Variants in SMAD4 observed in about 807,000 individuals in gnomAD.
SMAD4 encodes SMAD family member 4, also known as MAD homolog 4.
A neutral mutation model predicts 63.2 loss-of-function variants in SMAD4; 7 were observed. The observed-to-expected ratio is 0.11, with a 90% CI of 0.06 to 0.21. The LOEUF (loss-of-function observed/expected upper bound fraction) is 0.21. Ranked by LOEUF, SMAD4 falls within the 10% of genes least tolerant of loss-of-function variation. SMAD4 has a pLI of 1.00. For missense variants in SMAD4, 312 were observed against 693.8 expected, an observed-to-expected ratio of 0.45 and a Z score of 6.18; for synonymous variants, 215 against 235.4, an observed-to-expected ratio of 0.91 and a Z score of 0.79.
chr18:51,071,516 C>G (rs1292795809), intron 10 of SMAD4, among the ~76,000 whole-genome samples: 1 of 152,076 alleles, frequency 6.6e-6, no homozygotes, highest in African/African-American at 2.4e-5. Context: ...TGTTTGAATT[C>G]TCTTTAAGTG....
intron 1 of SMAD4, among the ~76,000 whole-genome samples, chr18:51,030,946 G>T (rs1434546554): frequency 6.6e-6 from 1 of 152,178 alleles, no homozygotes; most frequent in African/African-American, 2.4e-5. Flanking sequence ...GGTCGCCCCG[G>T]CTGAGCGCGT....
In SMAD4 at chr18:51,066,963, AAATTT is replaced by A. The variant is rs1194954736; in HGVS notation, c.1140-48_1140-44del. The A allele has an allele frequency of 1.6e-5, 22 of 1,397,006 alleles. No homozygotes were observed. The East Asian group carries it at 3.8e-4, about 24-fold the overall frequency. 86.5% of individuals were successfully genotyped at this position (1,397,006 alleles called of 1,614,324 possible). ...TAAGCATGCTATACAATCTGAACTA[AAATTT>A]AATTTAAAATACTTATCAAGATAAA... is the stretch of plus-strand genomic sequence containing the variant. On this transcript the variant is annotated intron_variant, in intron 9 of 11. Transcript: ENST00000342988.
At chr18:51,068,435 C>G (rs898107851) in intron 10 of SMAD4, among the ~76,000 whole-genome samples, 3 of 152,088 alleles carry the variant, frequency 2.0e-5, no homozygotes, top group Non-Finnish European at 4.4e-5. Flanking sequence ...GTGTAACTCA[C>G]AAATCTATAC....
intron 5 of SMAD4, among the ~76,000 whole-genome samples, chr18:51,056,871 C>T (rs1909860427): frequency 6.6e-6 from 1 of 151,906 alleles, no homozygotes; most frequent in Non-Finnish European, 1.5e-5. Context: ...CTTTTAAATA[C>T]CTGTAAATTA....
At chr18:51,068,835 T>G (rs1910240362) in intron 10 of SMAD4, among the ~76,000 whole-genome samples, 5 of 152,076 alleles carry the variant, frequency 3.3e-5, no homozygotes, top group Admixed American at 3.3e-4. Flanking sequence ...ATGGGAGCAT[T>G]GCTTGAGCCC....
At chr18:51,071,646 G>C (rs1238519678) in intron 10 of SMAD4, among the ~76,000 whole-genome samples, 1 of 152,078 alleles carries the variant, frequency 6.6e-6, no homozygotes, top group Non-Finnish European at 1.5e-5. Flanking sequence ...TGACATACAA[G>C]TCACCCATTT....
intron 1 of SMAD4, chr18:51,045,167 A>G (rs1423876844): frequency 6.6e-6 from 1 of 152,252 alleles, no homozygotes; most frequent in African/African-American, 2.4e-5. Flanking sequence ...ATGTAGGGAT[A>G]GTGAAGGAAA....
At chr18:51,069,415 TTTG>T (rs1449635772) in intron 10 of SMAD4, among the ~76,000 whole-genome samples, 2 of 152,278 alleles carry the variant, frequency 1.3e-5, no homozygotes, top group African/African-American at 4.8e-5. Flanking sequence ...CGCCTGGCCT[TTTG>T]TTGTTATTTT....
intron 10 of SMAD4, among the ~76,000 whole-genome samples, chr18:51,069,977 A>G (rs1043476868): frequency 6.6e-6 from 1 of 152,180 alleles, no homozygotes; most frequent in African/African-American, 2.4e-5. Context: ...GATTGTTTCC[A>G]TATGAATTTC....
At position 51,047,027 on chromosome 18, in the gene SMAD4, A is replaced by C. The variant is rs1057520801; in HGVS notation, c.-20A>C. On this transcript the variant is annotated 5_prime_UTR_variant, in exon 2 of 12. Transcript: ENST00000342988. The stretch of plus-strand genomic sequence containing the variant: ...CAGAAATTGGAGACATATTTGATTT[A>C]AAAGGAAAAACTTGAACAAATGGAC... 1.2e-5 allele frequency: 19 copies of C among 1,611,020 alleles called. No homozygotes were observed. Among genetic ancestry groups the C allele is most frequent in the Non-Finnish European group, 1.6e-5 (19 of 1,177,532 alleles).
chr18:51,058,485 A>G (rs543382977), intron 7 of SMAD4, 29 bp downstream of exon 7: 4 of 1,095,050 alleles, frequency 3.7e-6, no homozygotes, highest in Admixed American at 2.2e-5. Context: ...TGTAAGGGCT[A>G]TTTTTTTTTT....
At chr18:51,044,862 C>T (rs1292141655) in intron 1 of SMAD4, 1 of 152,166 alleles carries the variant, frequency 6.6e-6, no homozygotes, top group East Asian at 1.9e-4. Context: ...ATTCAAATCT[C>T]TTGACTCCAA....
chr18:51,036,911 A>C (rs980676327), intron 1 of SMAD4, among the ~76,000 whole-genome samples: 1 of 152,218 alleles, frequency 6.6e-6, no homozygotes, highest in Non-Finnish European at 1.5e-5. Context: ...TAATCTCAGC[A>C]CTTTGGGAGG....
In SMAD4 at chr18:51,073,388, TAC is replaced by T. The variant is rs201632233; in HGVS notation, c.1309-3205_1309-3204del. On this transcript the variant is annotated intron_variant, in intron 10 of 11. Coordinates refer to ENST00000342988, the MANE Select transcript of SMAD4 (RefSeq NM_005359.6). ...ATATATATATATATATATATATATA[TAC>T]ACACACACACACACACACACACACA... is the stretch of plus-strand genomic sequence containing the variant. Among the ~76,000 whole-genome samples the T allele has an allele frequency of 4.4e-3, 285 of 64,058 alleles. 4 individuals carry two copies. Among genetic ancestry groups the T allele is most frequent in the South Asian group, 7.0e-3 (12 of 1,704 alleles). The allele number at this position is 64,058 out of a possible 152,430, so 42.0% of individuals were successfully genotyped here. A position where few individuals can be genotyped will look rare whatever the true frequency, so the allele number is the denominator to read the frequency against.
chr18:51,040,252 T>C (rs1382982086), intron 1 of SMAD4, among the ~76,000 whole-genome samples: 1 of 151,796 alleles, frequency 6.6e-6, no homozygotes, highest in African/African-American at 2.4e-5. Context: ...TGGTGAAACT[T>C]GTCTCTGCTA....
rs1568202861 is a variant in SMAD4, at chr18:51,046,910, T to A, written c.-127-10T>A. 2.8e-6 allele frequency: 2 copies of A among 706,634 alleles called. No individual in the cohort carries two copies. Among genetic ancestry groups the A allele is most frequent in the Non-Finnish European group, 4.7e-6 (2 of 425,172 alleles). The allele number at this position is 706,634 out of a possible 1,614,324, so 43.8% of individuals were successfully genotyped here. A position where few individuals can be genotyped will look rare whatever the true frequency, so the allele number is the denominator to read the frequency against. ...TTCTGATGTGTGTCTTTTTTTTTTTTCTTTTTTAGGTTATCCTGAATACAT... is the reference window on the plus strand; with the variant it reads ...TTCTGATGTGTGTCTTTTTTTTTTTACTTTTTTAGGTTATCCTGAATACAT... On this transcript the variant is annotated splice_polypyrimidine_tract_variant and intron_variant, in intron 1 of 11. Transcript: ENST00000342988.
At position 51,047,378 on chromosome 18, in the gene SMAD4, G is replaced by T. The variant is rs750663984; in HGVS notation, c.249+83G>T. ...ACGTTTCCTTTCAAGCTACTACAGGGTAATTTAATTTGTGCTCCATCTCTT... is the reference window on the plus strand; with the variant it reads ...ACGTTTCCTTTCAAGCTACTACAGGTTAATTTAATTTGTGCTCCATCTCTT... On this transcript the variant is annotated intron_variant, in intron 2 of 11. Transcript: ENST00000342988. The T allele has an allele frequency of 1.9e-4, 237 of 1,264,314 alleles. 1 individual carries two copies. In the Middle Eastern group the frequency reaches 3.9e-3, roughly 21 times the overall value. 78.3% of individuals were successfully genotyped at this position (1,264,314 alleles called of 1,614,324 possible).
intron 7 of SMAD4, 122 bp from the exon 8 acceptor site, chr18:51,059,744 A>G (rs1909954390): frequency 5.3e-6 from 4 of 754,978 alleles, no homozygotes; most frequent in South Asian, 3.0e-5. Context: ...TAGACATTGC[A>G]TAAGCTTGTT....
intron 8 of SMAD4, among the ~76,000 whole-genome samples, chr18:51,062,991 C>G (rs1008017878): frequency 1.4e-5 from 2 of 142,982 alleles, no homozygotes; most frequent in African/African-American, 5.2e-5. Flanking sequence ...GTAGCTGGGA[C>G]TATAGGCGCC....
Sources: allele counts gnomAD v4.1 joint callset (sites outside exome capture counted in the v4.1 genomes callset), GRCh38; gene constraint gnomAD v4.1.1; transcripts MANE v1.5; gene names NCBI Gene and HGNC (gene_info 2026-07-23, HGNC 2026-07-21).